ECPAS: variants seen among roughly 807,000 people sequenced by gnomAD.
ECPAS encodes the protein proteasome adapter and scaffold protein ECM29.
A neutral mutation model predicts 255.1 loss-of-function variants in ECPAS; 70 were observed. The ratio of observed to expected loss-of-function variants is 0.27; its 90% CI spans 0.23 to 0.33. The LOEUF is 0.33. ECPAS is among the 10% of genes least tolerant of loss of function. The probability of loss-of-function intolerance (pLI) is 1.00; values close to 1 mark genes in which losing one functional copy is unlikely to be tolerated. For missense variants in ECPAS, 1,817 were observed against 2,206.4 expected, an observed-to-expected ratio of 0.82 and a Z score of 3.54; for synonymous variants, 784 against 775.0, an observed-to-expected ratio of 1.01 and a Z score of -0.19.
intron 34 of ECPAS, among the ~76,000 whole-genome samples, chr9:111,383,968 TATCATCATCATC>T (rs55718434): frequency 4.0e-5 from 6 of 150,858 alleles, no homozygotes; most frequent in East Asian, 1.9e-4. Flanking sequence ...TTTGAAGTGT[TATCATCATCATC>T]ATCATCATCA....
chr9:111,442,556 C>T (rs1329944605), intron 4 of ECPAS, 132 bp from the exon 5 acceptor site: 4 of 616,392 alleles, frequency 6.5e-6, no homozygotes, highest in African/African-American at 1.9e-5. Flanking sequence ...CCTCCCTCCA[C>T]GTTTATTGCA....
intron 1 of ECPAS, among the ~76,000 whole-genome samples, chr9:111,481,428 C>G (rs996569122): frequency 6.6e-6 from 1 of 152,120 alleles, no homozygotes; most frequent in South Asian, 2.1e-4. Flanking sequence ...ATGGCGTGAA[C>G]CTGGGAGGCG....
Position 111,390,119 on chromosome 9 carries a change from A to T in ECPAS, c.3162-18T>A. 6.9e-7 allele frequency: 1 copy of T among 1,448,632 alleles called. No homozygotes were observed. The highest frequency in any genetic ancestry group is 9.5e-7 in the Non-Finnish European group (1 of 1,047,252). The allele number at this position is 1,448,632 out of a possible 1,614,324, so 89.7% of individuals were successfully genotyped here. ...GGCCCTGACTTGGAAACAAAGAAAA[A>T]GAGGTAGGCAATAATACACTTCTCT... On this transcript the variant is annotated intron_variant, in intron 29 of 49. Coordinates refer to ENST00000684092, the MANE Select transcript of ECPAS (RefSeq NM_001364929.1).
At chr9:111,449,926 T>C (rs2098258066) in intron 3 of ECPAS, among the ~76,000 whole-genome samples, 1 of 152,198 alleles carries the variant, frequency 6.6e-6, no homozygotes, top group African/African-American at 2.4e-5. Context: ...CTATCTTCAA[T>C]GGTCTCCCCC....
intron 4 of ECPAS, among the ~76,000 whole-genome samples, chr9:111,443,437 G>C (rs181025281): frequency 6.6e-6 from 1 of 152,234 alleles, no homozygotes; most frequent in Admixed American, 6.5e-5. Flanking sequence ...TTTTAGTAGA[G>C]ATGGGGTTTC....
chr9:111,408,914 A>G (rs568996060), intron 23 of ECPAS, among the ~76,000 whole-genome samples: 14 of 152,350 alleles, frequency 9.2e-5, no homozygotes, highest in African/African-American at 3.4e-4. Flanking sequence ...GCCTTTAACT[A>G]GGCTTATTAC....
chr9:111,363,726 T>C (rs2098116880), intron 48 of ECPAS, 67 bp from the exon 49 acceptor site: 1 of 786,184 alleles, frequency 1.3e-6, no homozygotes, highest in South Asian at 1.6e-5. Flanking sequence ...ATTAAATTTG[T>C]GTTGCTGAAA....
At chr9:111,478,946 A>G (rs546527205) in intron 1 of ECPAS, among the ~76,000 whole-genome samples, 1 of 152,302 alleles carries the variant, frequency 6.6e-6, no homozygotes, top group East Asian at 1.9e-4. Flanking sequence ...CATCTAGCTG[A>G]GAATCTGGCA....
intron 12 of ECPAS, among the ~76,000 whole-genome samples, chr9:111,423,856 C>T (rs1311779767): frequency 6.6e-6 from 1 of 152,186 alleles, no homozygotes; most frequent in Non-Finnish European, 1.5e-5. Flanking sequence ...AATCTGATTA[C>T]TCAGAACACA....
At chr9:111,374,133 A>C (rs982653707) in intron 38 of ECPAS, 95 bp from the exon 39 acceptor site, 13 of 914,944 alleles carry the variant, frequency 1.4e-5, no homozygotes, top group Non-Finnish European at 2.0e-5. Flanking sequence ...AAACATATAA[A>C]ATACATGAAG....
rs1296340074 is a variant in ECPAS, at chr9:111,440,413, C to T, written c.498G>A (p.Leu166=). The T allele has an allele frequency of 1.9e-6, 3 of 1,613,484 alleles. No homozygotes were observed. Among genetic ancestry groups the T allele is most frequent in the East Asian group, 2.2e-5 (1 of 44,854 alleles). ...GGACATCTAGCATGAAGTCCAAAAGCAGCTGCACAGTCTTTGGTTTCTCAG... is the reference window on the plus strand; with the variant it reads ...GGACATCTAGCATGAAGTCCAAAAGTAGCTGCACAGTCTTTGGTTTCTCAG... ...NLAEKPKTVQ[L]LLDFMLDVLL... is the part of the protein sequence containing the mutation. Residue 166 remains leucine (L), a synonymous_variant, in exon 6 of 50, where the codon CTG becomes CTA. Transcript: ENST00000684092.
chr9:111,362,274 A>G, intron 49 of ECPAS, 105 bp from the exon 50 acceptor site: 1 of 898,448 alleles, frequency 1.1e-6, no homozygotes, highest in Non-Finnish European at 1.6e-6. Context: ...ATTTAAAAAT[A>G]TCCTATCCCC....
intron 1 of ECPAS, among the ~76,000 whole-genome samples, chr9:111,481,912 A>G (rs2132142280): frequency 6.6e-6 from 1 of 152,372 alleles, no homozygotes; most frequent in South Asian, 2.1e-4. Context: ...AGGGACAGAA[A>G]GTACAATGAT....
rs1589103278 is a variant in ECPAS, at chr9:111,363,584, T to A, written c.5380+4A>T. The A allele has an allele frequency of 1.3e-6, 2 of 1,554,654 alleles. No individual in the cohort carries two copies. Among genetic ancestry groups the A allele is most frequent in the East Asian group, 4.6e-5 (2 of 43,712 alleles). On this transcript the variant is annotated splice_donor_region_variant and intron_variant, in intron 49 of 49. Transcript: ENST00000684092. Reference sequence around the variant, plus strand: ...TCCCCCAGTCAGAACTAACAACAACTTACCTTCAAGTTTTTTAAGCAGCAA... The same window carrying A: ...TCCCCCAGTCAGAACTAACAACAACATACCTTCAAGTTTTTTAAGCAGCAA...
chr9:111,443,824 TCA>T (rs2098249257), intron 4 of ECPAS, among the ~76,000 whole-genome samples: 1 of 152,198 alleles, frequency 6.6e-6, no homozygotes, highest in Non-Finnish European at 1.5e-5. Context: ...TCACCTGCCA[TCA>T]CACAGCATCA....
At chr9:111,436,886 A>C in intron 7 of ECPAS, 54 bp downstream of exon 7, 1 of 1,445,976 alleles carries the variant, frequency 6.9e-7, no homozygotes, top group South Asian at 1.4e-5. Context: ...CATGAACTTC[A>C]TAGGGGAAAG....
intron 8 of ECPAS, among the ~76,000 whole-genome samples, chr9:111,432,663 G>A (rs751555135): frequency 2.0e-5 from 3 of 152,116 alleles, no homozygotes; most frequent in Admixed American, 6.5e-5. Flanking sequence ...CAATAGAAAC[G>A]TAAATGGGTT....
At chr9:111,414,755 CT>C in intron 18 of ECPAS, 104 bp from the exon 19 acceptor site, 1 of 979,286 alleles carries the variant, frequency 1.0e-6, no homozygotes, top group Non-Finnish European at 1.5e-6. Flanking sequence ...ACCCACACTT[CT>C]TTATAAAGCT....
chr9:111,397,273 T>A, intron 24 of ECPAS, 120 bp from the exon 25 acceptor site: 2 of 1,280,704 alleles, frequency 1.6e-6, no homozygotes, highest in Non-Finnish European at 2.1e-6. Flanking sequence ...CTCTTTGCCC[T>A]AGTTTGCTTT....
Sources: gnomAD v4.1 joint callset for allele counts (sites outside exome capture counted in the v4.1 genomes callset) on GRCh38, gnomAD v4.1.1 for gene constraint, MANE v1.5 for transcripts, NCBI Gene and HGNC (gene_info 2026-07-23, HGNC 2026-07-21) for gene names.